Variants in NEB observed in about 807,000 individuals in gnomAD.
NEB encodes the protein nemaline myopathy type 2.
NEB carries 512 observed loss-of-function variants against 952.2 expected under a neutral mutation model. The observed-to-expected ratio is 0.54, with a 90% CI of 0.50 to 0.58. The LOEUF (loss-of-function observed/expected upper bound fraction) is 0.58. Among genes scored for constraint, NEB ranks in the 20% least tolerant of loss-of-function variants. The pLI is 0.00. For synonymous variants in NEB, 2,900 were observed against 3,149.8 expected (o/e 0.92, Z 2.66); for missense variants, 8,428 against 9,231.1 (o/e 0.91, Z 3.56).
intron 9 of NEB, among the ~76,000 whole-genome samples, chr2:151,721,246 G>C (rs906713153): frequency 7.9e-5 from 12 of 152,082 alleles, no homozygotes; most frequent in African/African-American, 2.9e-4. Flanking sequence ...AATTACTCCA[G>C]ATTCTATTTT....
chr2:151,554,241 A>T (rs768836365), intron 125 of NEB, among the ~76,000 whole-genome samples: 23 of 152,192 alleles, frequency 1.5e-4, no homozygotes, highest in Non-Finnish European at 2.8e-4. Flanking sequence ...ACATGTGCAC[A>T]GTCAGTGTCA....
At chr2:151,695,227 C>T (rs2099587382) in intron 18 of NEB, among the ~76,000 whole-genome samples, 2 of 152,124 alleles carry the variant, frequency 1.3e-5, no homozygotes, top group East Asian at 1.9e-4. Context: ...AAATAAGGGA[C>T]ATTATAGGCC....
chr2:151,547,167 C>T (rs1279867319), intron 133 of NEB, among the ~76,000 whole-genome samples: 2 of 152,032 alleles, frequency 1.3e-5, no homozygotes, highest in South Asian at 2.1e-4. Flanking sequence ...GGAATGATTC[C>T]ATGTTGAATG....
At chr2:151,654,144 G>T in intron 51 of NEB, 45 bp from the exon 52 acceptor site, 1 of 1,236,148 alleles carries the variant, frequency 8.1e-7, no homozygotes, top group Non-Finnish European at 1.1e-6. Flanking sequence ...TCTATATAAA[G>T]AATATCAATA....
intron 51 of NEB, 56 bp from the exon 52 acceptor site, chr2:151,654,155 G>A: frequency 1.8e-6 from 2 of 1,091,398 alleles, no homozygotes; most frequent in Non-Finnish European, 2.6e-6. Context: ...AATATCAATA[G>A]ATTATTAGGG....
At chr2:151,494,076 T>G (rs2058530355) in intron 174 of NEB, 85 bp downstream of exon 174, 1 of 1,204,742 alleles carries the variant, frequency 8.3e-7, no homozygotes, top group Non-Finnish European at 1.2e-6. Context: ...TTGTTTGTTT[T>G]TAACCTGGGA....
At chr2:151,627,274 T>C (rs1257517472) in intron 69 of NEB, 69 bp from the exon 70 acceptor site, 3 of 1,529,270 alleles carry the variant, frequency 2.0e-6, no homozygotes, top group Non-Finnish European at 2.7e-6. Flanking sequence ...AATAAAAAAA[T>C]AACACTAGAA....
chr2:151,727,793 C>T lies in NEB; in HGVS notation c.192G>A (p.Lys64=), dbSNP rs761189437. ...QPALAQPASA[K]PVERRKVIRK... ...GGATGACCTTCCTCCTCTCCACCGGCTTTGCTGATGCTGGCTGTGCCAGTG... is the reference window on the plus strand; with the variant it reads ...GGATGACCTTCCTCCTCTCCACCGGTTTTGCTGATGCTGGCTGTGCCAGTG... Residue 64 remains lysine (K), a synonymous_variant, in exon 5 of 182, where the codon AAG becomes AAA. Transcript: ENST00000397345. The T allele has an allele frequency of 1.9e-5, 30 of 1,613,626 alleles. No individual in the cohort carries two copies. In the Middle Eastern group the frequency reaches 6.6e-4, roughly 35 times the overall value.
chr2:151,511,470 A>AAAAC (rs1181190372), intron 161 of NEB, among the ~76,000 whole-genome samples: 1 of 152,206 alleles, frequency 6.6e-6, no homozygotes, highest in African/African-American at 2.4e-5. Flanking sequence ...GTGAAAATTA[A>AAAAC]AAACAAACAA....
At chr2:151,625,738 G>T in intron 70 of NEB, 100 bp from the exon 71 acceptor site, 1 of 677,388 alleles carries the variant, frequency 1.5e-6, no homozygotes, top group South Asian at 2.9e-5. Context: ...CAGCTTTCTT[G>T]CTGTCTGTTC....
Position 151,570,129 on chromosome 2 carries a change from GTCGGGC to G in NEB, c.17376_17381del (p.Met5792_Asp5794delinsIle), listed in dbSNP as rs765184893. Reference sequence around the variant, plus strand: ...TCTTGGCCTGAATCACATCGTTCTGGTCGGGCATGCAGGTCCACTGGTGCAGGTAAT... The same window carrying G: ...TCTTGGCCTGAATCACATCGTTCTGGATGCAGGTCCACTGGTGCAGGTAAT... On this transcript the variant is annotated inframe_deletion, in exon 109 of 182. Coordinates refer to ENST00000397345, the MANE Select transcript of NEB (RefSeq NM_001164508.2). 126 of 1,612,916 alleles carry G rather than the reference GTCGGGC, an allele frequency of 7.8e-5. No homozygotes were observed. Among genetic ancestry groups the G allele is most frequent in the Non-Finnish European group, 1.0e-4 (121 of 1,179,542 alleles).
At chr2:151,560,560 T>TGGGGGGGGGG in intron 124 of NEB, 32 bp downstream of exon 124, 1 of 1,148,078 alleles carries the variant, frequency 8.7e-7, no homozygotes, top group Non-Finnish European at 1.1e-6. Context: ...GGAGGGAGGG[T>TGGGGGGGGGG]GGGAAAGCTG....
intron 127 of NEB, among the ~76,000 whole-genome samples, chr2:151,553,146 T>C (rs1316358452): frequency 1.3e-5 from 2 of 152,146 alleles, no homozygotes; most frequent in Non-Finnish European, 2.9e-5. Context: ...ATATCCAAAA[T>C]AGCCTAAAAC....
chr2:151,550,993 G>A (rs1200409151), intron 129 of NEB, among the ~76,000 whole-genome samples: 1 of 132,816 alleles, frequency 7.5e-6, no homozygotes, highest in East Asian at 2.0e-4. Context: ...TTGAAACGGA[G>A]TTTTGCTCCT....
Position 151,531,100 on chromosome 2 carries a change from A to T in NEB, c.21524T>A (p.Ile7175Asn). 1.3e-6 allele frequency: 2 copies of T among 1,591,600 alleles called. No individual in the cohort carries two copies. Among genetic ancestry groups the T allele is most frequent in the Non-Finnish European group, 1.7e-6 (2 of 1,161,014 alleles). Reference sequence around the variant, plus strand: ...CTTGTTGTATTCCAATTTATAAAGGATCTGAAAGATCAAAAAGCAGAAAGA... The same window carrying T: ...CTTGTTGTATTCCAATTTATAAAGGTTCTGAAAGATCAAAAAGCAGAAAGA... The part of the protein sequence containing the change: ...TTKVNKQISD[I>N]LYKLEYNKAK... Residue 7175 changes from isoleucine (I) to asparagine (N), a missense_variant and splice_region_variant, in exon 145 of 182, where the codon ATC becomes AAC. Coordinates refer to ENST00000397345, the MANE Select transcript of NEB (RefSeq NM_001164508.2).
At chr2:151,636,798 CAAAA>C (rs576556678) in intron 63 of NEB, among the ~76,000 whole-genome samples, 1 of 142,594 alleles carries the variant, frequency 7.0e-6, no homozygotes, top group Admixed American at 7.0e-5. Context: ...CAAAACAAAA[CAAAA>C]AAAAAAGATA....
chr2:151,493,277 G>C, intron 176 of NEB, 76 bp downstream of exon 176: 3 of 1,119,604 alleles, frequency 2.7e-6, no homozygotes, highest in Non-Finnish European at 2.6e-6. Flanking sequence ...AGTTGAATGA[G>C]AAAGGCGTGT....
Position 151,548,300 on chromosome 2 carries a change from T to G in NEB, c.20157+8A>C, listed in dbSNP as rs2153623453. 2 of 1,599,448 alleles carry G rather than the reference T, an allele frequency of 1.3e-6. No individual in the cohort carries two copies. Among genetic ancestry groups the G allele is most frequent in the Non-Finnish European group, 1.7e-6 (2 of 1,166,800 alleles). The stretch of plus-strand genomic sequence containing the variant: ...AATATGTCTCTTGGAGAATCAGCAT[T>G]CAGGTACCTCGCTGGTAACATTGTT... On this transcript the variant is annotated splice_region_variant and intron_variant, in intron 131 of 181. Transcript: ENST00000397345.
At chr2:151,543,673 G>A (rs569156711) in intron 135 of NEB, among the ~76,000 whole-genome samples, 12 of 152,132 alleles carry the variant, frequency 7.9e-5, no homozygotes, top group Non-Finnish European at 1.6e-4. Flanking sequence ...GATTTTTAGA[G>A]ACGGGGTCTC....
Sources: gnomAD v4.1 joint callset for allele counts (sites outside exome capture counted in the v4.1 genomes callset) on GRCh38, gnomAD v4.1.1 for gene constraint, MANE v1.5 for transcripts, NCBI Gene and HGNC (gene_info 2026-07-23, HGNC 2026-07-21) for gene names.